The following DDAH1 variants were observed in gnomAD, a reference collection of about 807,000 sequenced individuals.
DDAH1 encodes the protein dimethylarginine dimethylaminohydrolase 1, also known as N(G),N(G)-dimethylarginine dimethylaminohydrolase 1.
DDAH1 carries 19 observed loss-of-function variants against 28.8 expected under a neutral mutation model. The observed-to-expected ratio is 0.66, with a 90% confidence interval of 0.46 to 0.97. DDAH1 has a LOEUF of 0.97. DDAH1 is among the 50% of genes least tolerant of loss of function. The pLI is 0.00. For synonymous variants in DDAH1, 153 were observed against 154.4 expected (o/e 0.99, Z 0.07); for missense variants, 326 against 375.9 (o/e 0.87, Z 1.10).
At chr1:85,371,619 G>A (rs1650388681) in intron 1 of DDAH1, among the ~76,000 whole-genome samples, 1 of 152,176 alleles carries the variant, frequency 6.6e-6, no homozygotes, top group Non-Finnish European at 1.5e-5. Context: ...CAAATCAATA[G>A]TGTAGGCAAG....
intron 1 of DDAH1, among the ~76,000 whole-genome samples, chr1:85,431,715 A>C (rs747723683): frequency 6.6e-6 from 1 of 152,168 alleles, no homozygotes; most frequent in African/African-American, 2.4e-5. Context: ...TCTGTTACTC[A>C]GTAATCAGCA....
At position 85,321,692 on chromosome 1, in the gene DDAH1, A is replaced by T; in HGVS notation, c.742-124T>A. 1.5e-5 allele frequency: 11 copies of T among 749,632 alleles called. No homozygotes were observed. The South Asian group carries it at 1.8e-4, about 12-fold the overall frequency. 46.4% of individuals were successfully genotyped at this position (749,632 alleles called of 1,614,324 possible). ...TCATTTAATCCCAAGACACACAGGCAGTCTCAACCACACACATGCCCACAG... is the reference window on the plus strand; with the variant it reads ...TCATTTAATCCCAAGACACACAGGCTGTCTCAACCACACACATGCCCACAG... On this transcript the variant is annotated intron_variant, in intron 5 of 5. Transcript: ENST00000284031.
chr1:85,346,115 A>T (rs1448978044), intron 4 of DDAH1, among the ~76,000 whole-genome samples: 1 of 152,228 alleles, frequency 6.6e-6, no homozygotes, highest in Non-Finnish European at 1.5e-5. Context: ...TGGGGCTCTC[A>T]GCTTTACCTA....
At chr1:85,440,093 T>C (rs953133004) in intron 1 of DDAH1, among the ~76,000 whole-genome samples, 20 of 152,342 alleles carry the variant, frequency 1.3e-4, no homozygotes, top group Non-Finnish European at 1.6e-4. Flanking sequence ...TAGTTTTACA[T>C]AAATTTTGCC....
chr1:85,460,812 A>G (rs1655093170), intron 1 of DDAH1, among the ~76,000 whole-genome samples: 1 of 152,220 alleles, frequency 6.6e-6, no homozygotes, highest in Non-Finnish European at 1.5e-5. Flanking sequence ...CTTTCACTGC[A>G]TATCCTTTTG....
At chr1:85,369,414 T>TTTAG (rs896224665) in intron 1 of DDAH1, among the ~76,000 whole-genome samples, 1 of 152,148 alleles carries the variant, frequency 6.6e-6, no homozygotes, top group Non-Finnish European at 1.5e-5. Flanking sequence ...ATCCACCTTG[T>TTTAG]TTAGACAGGG....
intron 1 of DDAH1, among the ~76,000 whole-genome samples, chr1:85,393,905 T>C (rs1289325262): frequency 6.6e-6 from 1 of 152,192 alleles, no homozygotes; most frequent in East Asian, 1.9e-4. Context: ...AGAGAAACTA[T>C]TGAAAAACTG....
chr1:85,351,393 T>C (rs1649192533), intron 3 of DDAH1, 113 bp downstream of exon 3: 1 of 823,226 alleles, frequency 1.2e-6, no homozygotes, highest in Non-Finnish European at 2.0e-6. Context: ...TTACGAATTA[T>C]TGTACAAAGC....
At chr1:85,345,160 C>CTTGT (rs2100830828) in intron 4 of DDAH1, among the ~76,000 whole-genome samples, 1 of 152,216 alleles carries the variant, frequency 6.6e-6, no homozygotes, top group East Asian at 1.9e-4. Context: ...AGCTTTGCCT[C>CTTGT]TTGTTTAACT....
At chr1:85,571,158 T>C (rs1659444669) in intron 1 of DDAH1, among the ~76,000 whole-genome samples, 1 of 152,228 alleles carries the variant, frequency 6.6e-6, no homozygotes, top group Non-Finnish European at 1.5e-5. Context: ...CGGTGCCCTG[T>C]AAATGTCACT....
At chr1:85,430,486 G>A (rs993908755) in intron 1 of DDAH1, among the ~76,000 whole-genome samples, 1 of 152,136 alleles carries the variant, frequency 6.6e-6, no homozygotes, top group African/African-American at 2.4e-5. Flanking sequence ...AAATTACTTT[G>A]GGCAGTATGG....
chr1:85,353,351 TAAG>T (rs890932330), intron 2 of DDAH1, among the ~76,000 whole-genome samples: 1 of 152,150 alleles, frequency 6.6e-6, no homozygotes, highest in Non-Finnish European at 1.5e-5. Context: ...TGGTGAAGTA[TAAG>T]AAGAGTAGCC....
At chr1:85,469,443 A>C (rs530188679), upstream of DDAH1, among the ~76,000 whole-genome samples, 1 of 152,378 alleles carries the variant, frequency 6.6e-6, no homozygotes, top group East Asian at 1.9e-4. Flanking sequence ...ATCATCATCT[A>C]TAAATGCGGA....
At chr1:85,455,874 A>G (rs3738111) in intron 1 of DDAH1, among the ~76,000 whole-genome samples, 16,941 of 152,276 alleles carry the variant, frequency 0.11, 1,084 homozygotes, top group African/African-American at 0.17. Flanking sequence ...ACTGCATCTC[A>G]TAATGGATTA....
intron 1 of DDAH1, among the ~76,000 whole-genome samples, chr1:85,569,881 C>T (rs1300572374): frequency 6.6e-6 from 1 of 152,200 alleles, no homozygotes; most frequent in Admixed American, 6.5e-5. Context: ...TTTCCACAAC[C>T]TAGTCTTGCT....
intron 1 of DDAH1, among the ~76,000 whole-genome samples, chr1:85,459,360 G>A (rs1247050914): frequency 6.6e-6 from 1 of 152,164 alleles, no homozygotes; most frequent in Non-Finnish European, 1.5e-5. Context: ...TCTAATAGAA[G>A]TCACTCCCTA....
intron 1 of DDAH1, among the ~76,000 whole-genome samples, chr1:85,432,684 T>G (rs879236245): frequency 1.3e-5 from 2 of 152,232 alleles, no homozygotes; most frequent in Admixed American, 1.3e-4. Context: ...CATGACTTAC[T>G]GCAGAACGAA....
At position 85,324,956 on chromosome 1, in the gene DDAH1, T is replaced by C. The variant is rs146724352; in HGVS notation, c.598-73A>G. ...TTCAAACAGAAGGAAGGCAGTGTGG[T>C]AGGATACAAGCTTGGAACTGACACT... On this transcript the variant is annotated intron_variant, in intron 4 of 5. Transcript: ENST00000284031. 3.1e-4 allele frequency: 478 copies of C among 1,563,034 alleles called. 3 individuals carry two copies. In the African/African-American group the frequency reaches 6.0e-3, roughly 20 times the overall value.
chr1:85,443,270 T>G (rs1224340812), intron 1 of DDAH1, among the ~76,000 whole-genome samples: 5 of 152,238 alleles, frequency 3.3e-5, no homozygotes, highest in African/African-American at 1.2e-4. Context: ...CCAGCACCAT[T>G]TATTAAATAG....
Sources: allele counts gnomAD v4.1 joint callset (sites outside exome capture counted in the v4.1 genomes callset), GRCh38; gene constraint gnomAD v4.1.1; transcripts MANE v1.5; gene names NCBI Gene and HGNC (gene_info 2026-07-23, HGNC 2026-07-21).